Variants in TIGAR observed in about 807,000 individuals in gnomAD.
The protein encoded by TIGAR is TP53 induced glycolysis regulatory phosphatase, also known as fructose-2,6-bisphosphatase TIGAR.
Under a neutral mutation model 17.9 loss-of-function variants are expected in TIGAR, and 7 were observed. The ratio of observed to expected loss-of-function variants is 0.39; its 90% confidence interval spans 0.22 to 0.73. The LOEUF is 0.73. TIGAR is among the 30% of genes least tolerant of loss of function. TIGAR has a pLI of 0.42. For synonymous variants in TIGAR, 94 were observed against 108.6 expected, an observed-to-expected ratio of 0.87 and a Z score of 0.84; for missense variants, 258 against 327.4, an observed-to-expected ratio of 0.79 and a Z score of 1.64.
chr12:4,324,624 C>T, intron 1 of TIGAR: 1 of 1,499,232 alleles, frequency 6.7e-7, no homozygotes, highest in Non-Finnish European at 9.2e-7. Flanking sequence ...CCTTCTTGGC[C>T]TTGCGCAGGC....
At chr12:4,323,714 T>C (rs1423750314) in intron 1 of TIGAR, among the ~76,000 whole-genome samples, 1 of 152,260 alleles carries the variant, frequency 6.6e-6, no homozygotes, top group Non-Finnish European at 1.5e-5. Context: ...CCAGCCATTT[T>C]TGAGGCTACT....
At chr12:4,322,747 G>C (rs780732796) in intron 1 of TIGAR, among the ~76,000 whole-genome samples, 11 of 152,140 alleles carry the variant, frequency 7.2e-5, no homozygotes, top group Non-Finnish European at 1.5e-4. Context: ...AAAATTGTCT[G>C]TTTAGGATTA....
At chr12:4,341,658 A>G (rs1051191257) in intron 3 of TIGAR, among the ~76,000 whole-genome samples, 6 of 152,214 alleles carry the variant, frequency 3.9e-5, no homozygotes, top group African/African-American at 4.8e-5. Context: ...GCAAACTCCA[A>G]CAGACCTGCA....
At chr12:4,345,445 A>C (rs1864769304) in intron 3 of TIGAR, among the ~76,000 whole-genome samples, 1 of 152,216 alleles carries the variant, frequency 6.6e-6, no homozygotes, top group African/African-American at 2.4e-5. Flanking sequence ...AGCCCTCAGA[A>C]ATAATACCAC....
chr12:4,328,705 T>G lies in TIGAR; in HGVS notation c.33-2575T>G, dbSNP rs916051210. ...GATTCTTCTGCCTCAGCCTCCCGAGTAGCTGGGACTACAGGCACTCACCAC... is the reference window on the plus strand; with the variant it reads ...GATTCTTCTGCCTCAGCCTCCCGAGGAGCTGGGACTACAGGCACTCACCAC... On this transcript the variant is annotated intron_variant, in intron 1 of 5. Coordinates refer to ENST00000179259, the MANE Select transcript of TIGAR (RefSeq NM_020375.3). 5.3e-5 allele frequency among the ~76,000 whole-genome samples: 8 copies of G among 151,856 alleles called. No homozygotes were observed. In the Middle Eastern group the frequency reaches 0.01, roughly 194 times the overall value.
In TIGAR at chr12:4,351,248, A is replaced by C; in HGVS notation, c.271-19A>C. 6.2e-7 allele frequency: 1 copy of C among 1,601,198 alleles called. No individual in the cohort carries two copies. The highest frequency in any genetic ancestry group is 8.5e-7 in the Non-Finnish European group (1 of 1,169,808). On this transcript the variant is annotated intron_variant, in intron 4 of 5. Coordinates refer to ENST00000179259, the MANE Select transcript of TIGAR (RefSeq NM_020375.3). ...TTGCAATTTCATTTGAGAAACTGTT[A>C]TCTATTGGACTGTTTCAGAAATACG...
chr12:4,352,901 A>C lies in TIGAR; in HGVS notation c.*210A>C. 1 of 527,686 alleles carries C rather than the reference A, an allele frequency of 1.9e-6. No individual in the cohort carries two copies. Among genetic ancestry groups the C allele is most frequent in the South Asian group, 3.2e-5 (1 of 31,224 alleles). 32.7% of individuals were successfully genotyped at this position (527,686 alleles called of 1,614,324 possible). A position where few individuals can be genotyped will look rare whatever the true frequency, so the allele number is the denominator to read the frequency against. On this transcript the variant is annotated 3_prime_UTR_variant, in exon 6 of 6. Coordinates refer to ENST00000179259, the MANE Select transcript of TIGAR (RefSeq NM_020375.3). ...AGTACAGTTGGCATTTTCCAGAATA[A>C]TTTTACCACCCTGCTAGATGTCATC...
intron 1 of TIGAR, among the ~76,000 whole-genome samples, chr12:4,326,663 G>C (rs1055741866): frequency 1.3e-5 from 2 of 152,054 alleles, no homozygotes; most frequent in Non-Finnish European, 2.9e-5. Flanking sequence ...TAGATGGTGG[G>C]GCAGTACTTT....
At chr12:4,345,678 C>A (rs1260373561) in intron 3 of TIGAR, among the ~76,000 whole-genome samples, 1 of 152,178 alleles carries the variant, frequency 6.6e-6, no homozygotes, top group African/African-American at 2.4e-5. Flanking sequence ...CTAGGCAATA[C>A]CATTCAGGAC....
chr12:4,333,249 G>A (rs1864622401), intron 2 of TIGAR, among the ~76,000 whole-genome samples: 1 of 150,910 alleles, frequency 6.6e-6, no homozygotes, highest in Non-Finnish European at 1.5e-5. Context: ...CTCATAAATA[G>A]TATGTAGCTA....
Position 4,359,087 on chromosome 12 carries a change from ATTGT to A in TIGAR, c.*6399_*6402del, listed in dbSNP as rs1287026908. ...ATTTGCAACTACTCTTTTAGCCTTT[ATTGT>A]TTATTTTCTGACTCTGTTTTTTTTT... On this transcript the variant is annotated 3_prime_UTR_variant, in exon 6 of 6. Transcript: ENST00000179259. Among the ~76,000 whole-genome samples the A allele has an allele frequency of 5.2e-5, 7 of 134,220 alleles. No homozygotes were observed. The highest frequency in any genetic ancestry group is 2.0e-4 in the African/African-American group (7 of 35,692). 88.1% of individuals were successfully genotyped at this position (134,220 alleles called of 152,430 possible). A position where few individuals can be genotyped will look rare whatever the true frequency, so the allele number is the denominator to read the frequency against.
chr12:4,340,971 T>C (rs1200392554), intron 3 of TIGAR, among the ~76,000 whole-genome samples: 1 of 152,180 alleles, frequency 6.6e-6, no homozygotes, highest in African/African-American at 2.4e-5. Context: ...TCCAGAACAT[T>C]GTTCTGGCCA....
intron 3 of TIGAR, 98 bp downstream of exon 3, chr12:4,337,258 C>G: frequency 1.2e-6 from 1 of 868,922 alleles, no homozygotes; most frequent in East Asian, 3.0e-5. Context: ...CCTCCATCTC[C>G]CGGGTTCAAG....
chr12:4,345,243 A>C (rs1326475670), intron 3 of TIGAR, among the ~76,000 whole-genome samples: 3 of 152,238 alleles, frequency 2.0e-5, no homozygotes, highest in Non-Finnish European at 4.4e-5. Context: ...TTCTTCACAG[A>C]CTTGGAAAAA....
chr12:4,324,877 G>A, intron 1 of TIGAR: 1 of 447,578 alleles, frequency 2.2e-6, no homozygotes, highest in Non-Finnish European at 4.0e-6. Context: ...AAAATTTTTT[G>A]GCAAACTAAA....
intron 1 of TIGAR, among the ~76,000 whole-genome samples, chr12:4,330,761 G>A (rs1000015167): frequency 8.5e-5 from 13 of 152,134 alleles, no homozygotes; most frequent in African/African-American, 2.9e-4. Flanking sequence ...GTTGGTCTGC[G>A]AGATAGCTGT....
chr12:4,343,146 C>T (rs891739973), intron 3 of TIGAR, among the ~76,000 whole-genome samples: 3 of 152,144 alleles, frequency 2.0e-5, no homozygotes, highest in Non-Finnish European at 4.4e-5. Context: ...AAGGCCATTA[C>T]ATAATGGTAA....
intron 5 of TIGAR, among the ~76,000 whole-genome samples, chr12:4,351,614 A>G (rs1321021195): frequency 6.6e-6 from 1 of 152,190 alleles, no homozygotes; most frequent in Non-Finnish European, 1.5e-5. Context: ...TCTAAAAAAG[A>G]CCTTTGAATA....
chr12:4,346,262 A>T (rs1040415323), intron 3 of TIGAR, among the ~76,000 whole-genome samples: 8 of 152,184 alleles, frequency 5.3e-5, no homozygotes, highest in African/African-American at 1.9e-4. Context: ...CTGGGTATAT[A>T]CCCAAAGGAT....
Sources: allele counts gnomAD v4.1 joint callset (sites outside exome capture counted in the v4.1 genomes callset), GRCh38; gene constraint gnomAD v4.1.1; transcripts MANE v1.5; gene names NCBI Gene and HGNC (gene_info 2026-07-23, HGNC 2026-07-21).